The following SFRP4 variants were observed in gnomAD, a reference collection of about 807,000 sequenced individuals.
SFRP4 encodes secreted frizzled related protein 4.
Under a neutral mutation model 36.3 loss-of-function variants are expected in SFRP4, and 25 were observed. The ratio of observed to expected loss-of-function variants is 0.69; its 90% CI spans 0.50 to 0.96. The LOEUF is 0.96. Among genes scored for constraint, SFRP4 ranks in the 40% least tolerant of loss-of-function variants. The probability of loss-of-function intolerance (pLI) is 0.00; values close to 1 mark genes in which losing one functional copy is unlikely to be tolerated. For synonymous variants in SFRP4, 182 were observed against 168.8 expected, an observed-to-expected ratio of 1.08 and a Z score of -0.60; for missense variants, 487 against 459.6, an observed-to-expected ratio of 1.06 and a Z score of -0.54.
In SFRP4 at chr7:37,916,794, G is replaced by A. The variant is rs1583657094; in HGVS notation, c.-257C>T. 1.7e-6 allele frequency: 1 copy of A among 571,832 alleles called. No homozygotes were observed. The highest frequency in any genetic ancestry group is 2.9e-5 in the East Asian group (1 of 33,986). 35.4% of individuals were successfully genotyped at this position (571,832 alleles called of 1,614,324 possible). A position where few individuals can be genotyped will look rare whatever the true frequency, so the allele number is the denominator to read the frequency against. On this transcript the variant is annotated 5_prime_UTR_variant, in exon 1 of 6. Coordinates refer to ENST00000436072, the MANE Select transcript of SFRP4 (RefSeq NM_003014.4). The surrounding 1 kb of genome is among the most constrained non-coding windows in gnomAD (Gnocchi z 4.1). ...ACCCGCCCGGGCAGCTCCAGTCCCG[G>A]ACTCCGCAGCTCGGAGCGCAGCCAG...
chr7:37,909,730 G>A, intron 4 of SFRP4, 50 bp from the exon 5 acceptor site: 1 of 1,041,968 alleles, frequency 9.6e-7, no homozygotes, highest in Non-Finnish European at 1.5e-6. Context: ...AAAGTAAACA[G>A]CTAAAAATAC....
In SFRP4 at chr7:37,916,610, C is replaced by A. The variant is rs1395200180; in HGVS notation, c.-73G>T. On this transcript the variant is annotated 5_prime_UTR_variant, in exon 1 of 6. Transcript: ENST00000436072. The surrounding 1 kb of genome is among the most constrained non-coding windows in gnomAD (Gnocchi z 4.1). ...CTCTTCCTGCCACCCTCATCTTTCG[C>A]TGTCCCTTCGCCGAGGAAGAAATCC... 6.5e-7 allele frequency: 1 copy of A among 1,528,184 alleles called. No homozygotes were observed. Among genetic ancestry groups the A allele is most frequent in the Non-Finnish European group, 8.8e-7 (1 of 1,138,350 alleles). The allele number at this position is 1,528,184 out of a possible 1,614,324, so 94.7% of individuals were successfully genotyped here. A position where few individuals can be genotyped will look rare whatever the true frequency, so the allele number is the denominator to read the frequency against.
rs749966042 is a variant in SFRP4, at chr7:37,916,153, G to A, written c.385C>T (p.Pro129Ser). 1 of 1,614,102 alleles carries A rather than the reference G, an allele frequency of 6.2e-7. No homozygotes were observed. The highest frequency in any genetic ancestry group is 8.5e-7 in the Non-Finnish European group (1 of 1,180,044). ...ATGCACACGCCACGGTCATAGACAG[G>A]CAGCTCGTCGCAGGCCAGGCTTTCG... ...WPESLACDEL[P>S]VYDRGVCISP... Residue 129 changes from proline to serine, a missense_variant, in exon 1 of 6, where the codon CCT becomes TCT. Pro to Ser is a moderately conservative substitution (Grantham distance 74). Transcript: ENST00000436072. The surrounding 1 kb of genome is among the most constrained non-coding windows in gnomAD (Gnocchi z 4.1).
At position 37,912,115 on chromosome 7, in the gene SFRP4, C is replaced by T. The variant is rs1184445088; in HGVS notation, c.791+4G>A. On this transcript the variant is annotated splice_donor_region_variant and intron_variant, in intron 4 of 5. Transcript: ENST00000436072. ...TACAGTTCCTTCTGCCTCTTTGTGC[C>T]TACCTTGAGCGCCACTCGTAACACA... is the stretch of plus-strand genomic sequence containing the variant. The T allele has an allele frequency of 1.9e-6, 3 of 1,612,076 alleles. No individual in the cohort carries two copies. Among genetic ancestry groups the T allele is most frequent in the African/African-American group, 1.3e-5 (1 of 74,874 alleles).
intron 4 of SFRP4, among the ~76,000 whole-genome samples, chr7:37,911,008 A>G (rs1236504488): frequency 6.6e-5 from 10 of 152,224 alleles, no homozygotes; most frequent in African/African-American, 2.4e-4. Context: ...CCAATTATCC[A>G]AAACTATTTT....
In SFRP4 at chr7:37,907,454, G is replaced by C. The variant is rs777409973; in HGVS notation, c.*25C>G. 2 of 1,600,736 alleles carry C rather than the reference G, an allele frequency of 1.2e-6. No homozygotes were observed. Among genetic ancestry groups the C allele is most frequent in the Non-Finnish European group, 1.7e-6 (2 of 1,171,880 alleles). On this transcript the variant is annotated 3_prime_UTR_variant, in exon 6 of 6. Transcript: ENST00000436072. ...GCCTCATCCTGTAAGGAAGTCGGAAGTCTCCGCTTTGGAAACTAGTTAGCT... is the reference window on the plus strand; with the variant it reads ...GCCTCATCCTGTAAGGAAGTCGGAACTCTCCGCTTTGGAAACTAGTTAGCT...
At position 37,909,651 on chromosome 7, in the gene SFRP4, T is replaced by C. The variant is rs753245114; in HGVS notation, c.821A>G (p.Glu274Gly). 6.3e-7 allele frequency: 1 copy of C among 1,583,930 alleles called. No homozygotes were observed. Among genetic ancestry groups the C allele is most frequent in the Admixed American group, 1.8e-5 (1 of 56,704 alleles). Reference sequence around the variant, plus strand: ...TTTACTAAGCTGATCTCTCCATTTTTCAACTAAGCAATTTTCAAGAAGCAT... The same window carrying C: ...TTTACTAAGCTGATCTCTCCATTTTCCAACTAAGCAATTTTCAAGAAGCAT... ...RMMLLENCLV[E>G]KWRDQLSKRS... Residue 274 changes from glutamate to glycine, a missense_variant, in exon 5 of 6, where the codon GAA becomes GGA. Coordinates refer to ENST00000436072, the MANE Select transcript of SFRP4 (RefSeq NM_003014.4).
Position 37,916,354 on chromosome 7 carries a change from C to T in SFRP4, c.184G>A (p.Glu62Lys), listed in dbSNP as rs946302056. ...ENAILAIEQY[E>K]ELVDVNCSAV... is the part of the protein sequence containing the mutation. ...CTGCAGTTCACGTCCACCAGCTCCT[C>T]GTACTGCTCGATGGCCAGGATGGCG... Residue 62 changes from glutamate to lysine, a missense_variant, in exon 1 of 6, where the codon GAG (glutamate) becomes AAG (lysine). Transcript: ENST00000436072. The surrounding 1 kb of genome is among the most constrained non-coding windows in gnomAD (Gnocchi z 4.1). The T allele has an allele frequency of 6.2e-7, 1 of 1,614,238 alleles. No individual in the cohort carries two copies. Among genetic ancestry groups the T allele is most frequent in the Non-Finnish European group, 8.5e-7 (1 of 1,180,034 alleles).
Position 37,912,230 on chromosome 7 carries a change from G to A in SFRP4, c.680C>T (p.Ser227Leu). ...VVDVKEIFKS[S>L]SPIPRTQVPL... ...GACTTGAGTTCGAGGGATGGGTGAT[G>A]AGGACTTGAAGATCTCTTTTACATC... Residue 227 changes from serine (S) to leucine (L), a missense_variant, in exon 4 of 6, where the codon TCA becomes TTA. Coordinates refer to ENST00000436072, the MANE Select transcript of SFRP4 (RefSeq NM_003014.4). 2 of 1,614,056 alleles carry A rather than the reference G, an allele frequency of 1.2e-6. No individual in the cohort carries two copies. Among genetic ancestry groups the A allele is most frequent in the African/African-American group, 1.3e-5 (1 of 75,038 alleles).
intron 3 of SFRP4, among the ~76,000 whole-genome samples, chr7:37,913,811 T>A (rs3807197): frequency 0.022 from 3,291 of 152,360 alleles, 84 homozygotes; most frequent in East Asian, 0.087. Flanking sequence ...CTATGGGCCT[T>A]AATTCTCTGA....
chr7:37,908,444 A>T (rs1259580258), intron 5 of SFRP4, among the ~76,000 whole-genome samples: 1 of 152,220 alleles, frequency 6.6e-6, no homozygotes, highest in East Asian at 1.9e-4. Context: ...TAGGAATGCA[A>T]AGAAAAGAAA....
chr7:37,913,079 T>C (rs1317325668), intron 3 of SFRP4, among the ~76,000 whole-genome samples: 1 of 152,172 alleles, frequency 6.6e-6, no homozygotes, highest in East Asian at 1.9e-4. Flanking sequence ...GAGAATGACA[T>C]GACAGTGAAA....
rs779848912 is a variant in SFRP4 at position 37,916,217 on chromosome 7, G to A, written c.321C>T (p.Asp107=). ...CKSVCQRARD[D]CEPLMKMYNH... is the part of the protein sequence containing the mutation. The stretch of plus-strand genomic sequence containing the variant: ...TGTACATCTTCATGAGGGGCTCGCA[G>A]TCGTCGCGCGCGCGTTGGCACACCG... Residue 107 remains aspartate, a synonymous_variant, in exon 1 of 6, where the codon GAC becomes GAT. Transcript: ENST00000436072. The surrounding 1 kb of genome is among the most constrained non-coding windows in gnomAD (Gnocchi z 4.1). The A allele has an allele frequency of 6.2e-7, 1 of 1,614,196 alleles. No individual in the cohort carries two copies. The highest frequency in any genetic ancestry group is 8.5e-7 in the Non-Finnish European group (1 of 1,180,042).
chr7:37,911,541 T>A (rs1014288627), intron 4 of SFRP4, among the ~76,000 whole-genome samples: 1 of 152,050 alleles, frequency 6.6e-6, no homozygotes, highest in African/African-American at 2.4e-5. Context: ...ACAGCTAGAA[T>A]TTGTGTGTAT....
In SFRP4 at chr7:37,907,559, G is replaced by A; in HGVS notation, c.961C>T (p.Pro321Ser). The A allele has an allele frequency of 6.2e-7, 1 of 1,613,812 alleles. No individual in the cohort carries two copies. Among genetic ancestry groups the A allele is most frequent in the East Asian group, 2.2e-5 (1 of 44,846 alleles). Residue 321 changes from proline (P) to serine (S), a missense_variant, in exon 6 of 6, where the codon CCT (proline) becomes TCT (serine). Transcript: ENST00000436072. ...TTGGGACTGGCTGGTTTGGGAGCAG[G>A]AGGCTTTCCCTTTGGTTTGGGGGGA... ...SNPPKPKGKP[P>S]APKPASPKKN...
intron 1 of SFRP4, among the ~76,000 whole-genome samples, chr7:37,915,573 G>A (rs1785560600): frequency 6.6e-6 from 1 of 152,136 alleles, no homozygotes; most frequent in Non-Finnish European, 1.5e-5. Flanking sequence ...CCGGGCCAAT[G>A]ACTATGAAAC....
Position 37,912,178 on chromosome 7 carries a change from C to A in SFRP4, c.732G>T (p.Gln244His). The change falls in exon 4 of 6, where the codon CAG becomes CAT. Residue 244 changes from glutamine (Q) to histidine (H), a missense_variant. Transcript: ENST00000436072. ...CTTGATGGGGCAGGATGTGTGGACA[C>A]TGGCAAGAAGAATTTGTAATGAGCG... ...QVPLITNSSCQCPHILPHQDV... is the reference protein window; with the variant it reads ...QVPLITNSSCHCPHILPHQDV... 2 of 1,614,194 alleles carry A rather than the reference C, an allele frequency of 1.2e-6. No homozygotes were observed. The highest frequency in any genetic ancestry group is 1.7e-6 in the Non-Finnish European group (2 of 1,180,030).
At position 37,914,451 on chromosome 7, in the gene SFRP4, C is replaced by T. The variant is rs1444769435; in HGVS notation, c.448G>A (p.Val150Ile). The T allele has an allele frequency of 6.2e-7, 1 of 1,613,128 alleles. No individual in the cohort carries two copies. Among genetic ancestry groups the T allele is most frequent in the South Asian group, 1.1e-5 (1 of 91,050 alleles). The change falls in exon 2 of 6, where the codon GTT (valine) becomes ATT (isoleucine). Residue 150 changes from valine to isoleucine, a missense_variant and splice_region_variant. Val to Ile is a conservative substitution (Grantham distance 29). Transcript: ENST00000436072. ...TCTGGTGTGATGTCTATCCACTTAA[C>T]ATCTGAAACACAAACAGGGCCACAT... Reference protein sequence around the residue: ...EAIVTDLPEDVKWIDITPDMM... With the variant: ...EAIVTDLPEDIKWIDITPDMM...
In SFRP4 at chr7:37,914,447, T is replaced by C; in HGVS notation, c.452A>G (p.Lys151Arg). ...AIVTDLPEDV[K>R]WIDITPDMMV... ...CATGTCTGGTGTGATGTCTATCCAC[T>C]TAACATCTGAAACACAAACAGGGCC... is the stretch of plus-strand genomic sequence containing the variant. The change falls in exon 2 of 6, where the codon AAG becomes AGG. Residue 151 changes from lysine (K) to arginine (R), a missense_variant. Coordinates refer to ENST00000436072, the MANE Select transcript of SFRP4 (RefSeq NM_003014.4). The C allele has an allele frequency of 6.2e-7, 1 of 1,613,574 alleles. No homozygotes were observed. The highest frequency in any genetic ancestry group is 8.5e-7 in the Non-Finnish European group (1 of 1,179,422).
Sources: allele counts gnomAD v4.1 joint callset (sites outside exome capture counted in the v4.1 genomes callset), GRCh38; gene constraint gnomAD v4.1.1; non-coding constraint Gnocchi (gnomAD v3.1); transcripts MANE v1.5; gene names NCBI Gene and HGNC (gene_info 2026-07-23, HGNC 2026-07-21).